Variants in PLEKHA7 observed in about 807,000 individuals in gnomAD.
PLEKHA7 encodes the protein pleckstrin homology domain containing A7.
A neutral mutation model predicts 170.0 loss-of-function variants in PLEKHA7; 104 were observed. The observed-to-expected ratio is 0.61, with a 90% CI of 0.52 to 0.72. The LOEUF is 0.72. Ranked by LOEUF, PLEKHA7 falls within the 30% of genes least tolerant of loss-of-function variation. PLEKHA7 has a pLI of 0.00. For missense variants in PLEKHA7, 1,615 were observed against 1,671.7 expected, an observed-to-expected ratio of 0.97 and a Z score of 0.59; for synonymous variants, 648 against 660.8, an observed-to-expected ratio of 0.98 and a Z score of 0.30.
chr11:16,894,014 G>C (rs1856841931), intron 3 of PLEKHA7, among the ~76,000 whole-genome samples: 1 of 152,188 alleles, frequency 6.6e-6, no homozygotes, highest in African/African-American at 2.4e-5. Context: ...CTCTGGCTAG[G>C]CAAAGCCTCC....
chr11:16,928,425 G>A (rs1859711848), intron 3 of PLEKHA7, among the ~76,000 whole-genome samples: 1 of 151,394 alleles, frequency 6.6e-6, no homozygotes. Flanking sequence ...CTTAAAGGTA[G>A]ATTGGTTTTG....
In PLEKHA7 at chr11:17,010,144, T is replaced by G. The variant is rs866933703; in HGVS notation, c.221+3845A>C. ...GGCTCATGCCTGTAATCCGAGCACTTTGGGAGGCTGAGGCAGGCGGATCAC... is the reference window on the plus strand; with the variant it reads ...GGCTCATGCCTGTAATCCGAGCACTGTGGGAGGCTGAGGCAGGCGGATCAC... On this transcript the variant is annotated intron_variant, in intron 3 of 26. Coordinates refer to ENST00000531066, the MANE Select transcript of PLEKHA7 (RefSeq NM_001329630.2). 4.6e-5 allele frequency among the ~76,000 whole-genome samples: 7 copies of G among 151,970 alleles called. 1 individual carries two copies. The highest frequency in any genetic ancestry group is 9.7e-5 in the African/African-American group (4 of 41,378).
chr11:16,888,324 G>C (rs373807498), intron 3 of PLEKHA7, among the ~76,000 whole-genome samples: 28 of 19,678 alleles, frequency 1.4e-3, no homozygotes, highest in Non-Finnish European at 2.8e-3. Context: ...TGCCCGGCCG[G>C]CACCCCGTCT....
chr11:17,013,972 CG>C lies in PLEKHA7; in HGVS notation c.221+16del. 1.3e-6 allele frequency: 2 copies of C among 1,531,758 alleles called. No individual in the cohort carries two copies. The highest frequency in any genetic ancestry group is 2.8e-5 in the African/African-American group (2 of 70,712). The allele number at this position is 1,531,758 out of a possible 1,614,324, so 94.9% of individuals were successfully genotyped here. On this transcript the variant is annotated intron_variant, in intron 3 of 26. Coordinates refer to ENST00000531066, the MANE Select transcript of PLEKHA7 (RefSeq NM_001329630.2). ...CCCCGCGGCACAGGTGCGAGCGCGG[CG>C]GCCCCACTCACTCACTCGATGAAGT...
chr11:16,840,548 G>A (rs561510530), intron 9 of PLEKHA7, among the ~76,000 whole-genome samples: 84 of 152,254 alleles, frequency 5.5e-4, no homozygotes, highest in South Asian at 3.7e-3. Flanking sequence ...TGACAAAAGC[G>A]AGACTCTGTC....
rs1850433166 is a variant in PLEKHA7 at position 16,823,896 on chromosome 11, TTTA to T, written c.1343+2221_1343+2223del. 2.6e-5 allele frequency among the ~76,000 whole-genome samples: 4 copies of T among 152,214 alleles called. No homozygotes were observed. The South Asian group carries it at 6.2e-4, about 24-fold the overall frequency. On this transcript the variant is annotated intron_variant, in intron 10 of 26. Transcript: ENST00000531066. ...ATGAACGGATAAACAAAATGTGGTA[TTTA>T]TACTCAGTGGAGTAGTGTTCAGCCT...
In PLEKHA7 at chr11:16,803,023, G is replaced by A. The variant is rs997344485; in HGVS notation, c.2106C>T (p.Asp702=). 8 of 1,614,074 alleles carry A rather than the reference G, an allele frequency of 5.0e-6. No homozygotes were observed. Among genetic ancestry groups the A allele is most frequent in the Middle Eastern group, 1.6e-4 (1 of 6,084 alleles). The change falls in exon 15 of 27, where the codon GAC becomes GAT. Residue 702 remains aspartate (D), a synonymous_variant. Coordinates refer to ENST00000531066, the MANE Select transcript of PLEKHA7 (RefSeq NM_001329630.2). ...TGTCTTCCAAGTCCTGGAGGACCCT[G>A]TCTTGTTCACAGAAGATGCTCAGTT... The part of the protein sequence containing the change: ...DVKLSIFCEQ[D]RVLQDLEDKI...
At chr11:16,813,498 G>A (rs937162996) in intron 12 of PLEKHA7, among the ~76,000 whole-genome samples, 2 of 151,264 alleles carry the variant, frequency 1.3e-5, no homozygotes, top group Non-Finnish European at 2.9e-5. Context: ...TCCACCTGGA[G>A]GAGCATATGC....
chr11:16,872,809 A>AT (rs11331184), intron 3 of PLEKHA7, among the ~76,000 whole-genome samples: 18 of 150,486 alleles, frequency 1.2e-4, no homozygotes, highest in South Asian at 1.1e-3. Context: ...GCCAAATGTA[A>AT]TTTTTTTTTT....
At chr11:16,858,533 C>T (rs1202029566) in intron 4 of PLEKHA7, among the ~76,000 whole-genome samples, 19 of 150,868 alleles carry the variant, frequency 1.3e-4, no homozygotes, top group Admixed American at 1.3e-3. Flanking sequence ...GCTCTTGTTG[C>T]CCAGGCTGGA....
rs191937453 is a variant in PLEKHA7, at chr11:16,932,069, T to G, written c.222-60887A>C. On this transcript the variant is annotated intron_variant, in intron 3 of 26. Coordinates refer to ENST00000531066, the MANE Select transcript of PLEKHA7 (RefSeq NM_001329630.2). ...CACCTATAAACTCCATGAACTCTCATAGATGTGAGTTAAAATCTAGGCTCA... is the reference window on the plus strand; with the variant it reads ...CACCTATAAACTCCATGAACTCTCAGAGATGTGAGTTAAAATCTAGGCTCA... Among the ~76,000 whole-genome samples the G allele has an allele frequency of 1.3e-4, 20 of 152,240 alleles. No homozygotes were observed. In the South Asian group the frequency reaches 3.7e-3, roughly 28 times the overall value.
intron 10 of PLEKHA7, among the ~76,000 whole-genome samples, chr11:16,825,603 A>G (rs552125464): frequency 4.2e-4 from 64 of 152,248 alleles, no homozygotes; most frequent in Non-Finnish European, 7.1e-4. Context: ...CAAGAGATGC[A>G]TGCCTTCTAA....
At position 16,816,153 on chromosome 11, in the gene PLEKHA7, G is replaced by T. The variant is rs767910857; in HGVS notation, c.1953+25C>A. 5 of 1,573,324 alleles carry T rather than the reference G, an allele frequency of 3.2e-6. No homozygotes were observed. In the South Asian group the frequency reaches 5.5e-5, roughly 17 times the overall value. On this transcript the variant is annotated intron_variant, in intron 12 of 26. Coordinates refer to ENST00000531066, the MANE Select transcript of PLEKHA7 (RefSeq NM_001329630.2). The stretch of plus-strand genomic sequence containing the variant: ...AATGTTGATGAGATAGGGCTTTGCA[G>T]GCTATGTCTTGTCATTCACCCTACC...
At chr11:16,862,071 TG>T (rs1349024663) in intron 4 of PLEKHA7, among the ~76,000 whole-genome samples, 1 of 152,122 alleles carries the variant, frequency 6.6e-6, no homozygotes, top group Non-Finnish European at 1.5e-5. Context: ...CCCAACAGCC[TG>T]GGGGAGGCTG....
intron 3 of PLEKHA7, among the ~76,000 whole-genome samples, chr11:16,976,418 T>A (rs1409218240): frequency 6.6e-6 from 1 of 152,184 alleles, no homozygotes; most frequent in Non-Finnish European, 1.5e-5. Context: ...CCAGCACCCC[T>A]CTTCCCTCAC....
intron 3 of PLEKHA7, among the ~76,000 whole-genome samples, chr11:16,945,613 A>G (rs1860979303): frequency 6.6e-6 from 1 of 152,260 alleles, no homozygotes; most frequent in African/African-American, 2.4e-5. Flanking sequence ...CAGCCAGGCA[A>G]ATAGAAGCTC....
intron 9 of PLEKHA7, among the ~76,000 whole-genome samples, chr11:16,831,472 A>T (rs1851104346): frequency 6.6e-6 from 1 of 152,236 alleles, no homozygotes; most frequent in Non-Finnish European, 1.5e-5. Flanking sequence ...TGCAAAGCAG[A>T]GATGTTTAGC....
intron 4 of PLEKHA7, among the ~76,000 whole-genome samples, chr11:16,865,361 C>G (rs376416949): frequency 3.9e-5 from 6 of 152,352 alleles, no homozygotes; most frequent in African/African-American, 1.4e-4. Flanking sequence ...AACCCATTGA[C>G]TGATGCCTAG....
intron 23 of PLEKHA7, chr11:16,787,226 G>C: frequency 1.0e-6 from 1 of 985,384 alleles, no homozygotes; most frequent in Non-Finnish European, 1.2e-6. Context: ...CAGGCTCAAA[G>C]CCTCTCTTCC....
Sources: gnomAD v4.1 joint callset for allele counts (sites outside exome capture counted in the v4.1 genomes callset) on GRCh38, gnomAD v4.1.1 for gene constraint, MANE v1.5 for transcripts, NCBI Gene and HGNC (gene_info 2026-07-23, HGNC 2026-07-21) for gene names.